FOXP1: variants seen among roughly 807,000 people sequenced by gnomAD.
FOXP1 encodes forkhead box P1, also known as forkhead box protein P1.
Under a neutral mutation model 98.2 loss-of-function variants are expected in FOXP1, and 15 were observed. That is an observed-to-expected ratio of 0.15 (90% CI 0.10 to 0.24). FOXP1 has a LOEUF of 0.24. Among genes scored for constraint, FOXP1 ranks in the 10% least tolerant of loss-of-function variants. The pLI, the probability that FOXP1 is intolerant of heterozygous loss-of-function variation, is 1.00. For synonymous variants in FOXP1, 371 were observed against 314.5 expected, an observed-to-expected ratio of 1.18 and a Z score of -1.90; for missense variants, 633 against 848.5, an observed-to-expected ratio of 0.75 and a Z score of 3.15.
chr3:71,179,029 T>C (rs1197273364), intron 6 of FOXP1, among the ~76,000 whole-genome samples: 1 of 132,448 alleles, frequency 7.6e-6, no homozygotes, highest in East Asian at 2.2e-4. Flanking sequence ...AAAAAAAAAA[T>C]TGACAAGATG....
intron 13 of FOXP1, among the ~76,000 whole-genome samples, chr3:71,000,347 T>G (rs2041956751): frequency 6.6e-6 from 1 of 151,974 alleles, no homozygotes; most frequent in Non-Finnish European, 1.5e-5. Context: ...TATCTGATTA[T>G]GTGCATGTGT....
chr3:71,429,253 G>C (rs2084457318), intron 3 of FOXP1, among the ~76,000 whole-genome samples: 1 of 152,194 alleles, frequency 6.6e-6, no homozygotes, highest in Non-Finnish European at 1.5e-5. Context: ...AACTATGGGA[G>C]GGTCTGGGTT....
chr3:71,098,840 G>C (rs2056707769), intron 7 of FOXP1, among the ~76,000 whole-genome samples: 1 of 152,174 alleles, frequency 6.6e-6, no homozygotes. Context: ...ATTTTTAGAA[G>C]ACCATGACCC....
intron 7 of FOXP1, among the ~76,000 whole-genome samples, chr3:71,101,646 G>A (rs2056968269): frequency 6.7e-6 from 1 of 149,378 alleles, no homozygotes; most frequent in Non-Finnish European, 1.5e-5. Flanking sequence ...AGACTTGGGA[G>A]GAGTTTAGGA....
At chr3:71,054,625 A>G (rs916274773) in intron 7 of FOXP1, among the ~76,000 whole-genome samples, 8 of 152,212 alleles carry the variant, frequency 5.3e-5, no homozygotes, top group Non-Finnish European at 1.0e-4. Flanking sequence ...GCTTTCTAGA[A>G]TGTAATTTAG....
intron 11 of FOXP1, among the ~76,000 whole-genome samples, chr3:71,038,626 T>C (rs2047928683): frequency 1.3e-5 from 2 of 152,118 alleles, no homozygotes; most frequent in South Asian, 4.1e-4. Context: ...ATTTGAAGTA[T>C]TTATATGTAT....
At chr3:71,571,455 T>C (rs2047335736) in intron 2 of FOXP1, 1 of 152,228 alleles carries the variant, frequency 6.6e-6, no homozygotes, top group African/African-American at 2.4e-5. Flanking sequence ...ACTCATTTTG[T>C]TTAACATCTC....
intron 5 of FOXP1, among the ~76,000 whole-genome samples, chr3:71,224,456 TGGGTGTGGAG>T (rs933903918): frequency 3.3e-5 from 5 of 152,178 alleles, no homozygotes; most frequent in African/African-American, 1.2e-4. Context: ...GACTCTCTGC[TGGGTGTGGAG>T]GGATGTGGAT....
intron 6 of FOXP1, among the ~76,000 whole-genome samples, chr3:71,138,751 T>C (rs2059932502): frequency 6.6e-6 from 1 of 152,206 alleles, no homozygotes; most frequent in South Asian, 2.1e-4. Context: ...TTAGCTGCTA[T>C]GTGATAGGAG....
chr3:70,978,930 C>A (rs1559624625), intron 14 of FOXP1, among the ~76,000 whole-genome samples: 1 of 151,944 alleles, frequency 6.6e-6, no homozygotes, highest in Non-Finnish European at 1.5e-5. Flanking sequence ...GGGAAATAAT[C>A]TGCTTCAAGT....
rs2063112868 is a variant in FOXP1, at chr3:71,193,358, C to A, written c.180+4844G>T. On this transcript the variant is annotated intron_variant, in intron 6 of 20. Transcript: ENST00000649528. The stretch of plus-strand genomic sequence containing the variant: ...AGAGGCGGGGTTTCACCATGTTAGC[C>A]AGGATGGTCTCAATCTCCTGACCTC... Among the ~76,000 whole-genome samples, 2 of 128,366 alleles carry A rather than the reference C, an allele frequency of 1.6e-5. 1 individual carries two copies. Among genetic ancestry groups the A allele is most frequent in the African/African-American group, 7.1e-5 (2 of 28,252 alleles). The allele number at this position is 128,366 out of a possible 152,430, so 84.2% of individuals were successfully genotyped here.
chr3:71,413,504 TC>T (rs1284961663), intron 3 of FOXP1, among the ~76,000 whole-genome samples: 1 of 151,728 alleles, frequency 6.6e-6, no homozygotes, highest in Admixed American at 6.6e-5. Flanking sequence ...TCACTAAACC[TC>T]CCCCCACCCT....
rs1292960386 is a variant in FOXP1, at chr3:71,433,563, G to C, written c.-168+59863C>G. Among the ~76,000 whole-genome samples the C allele has an allele frequency of 2.0e-5, 3 of 152,158 alleles. No individual in the cohort carries two copies. In the East Asian group the frequency reaches 5.8e-4, roughly 29 times the overall value. On this transcript the variant is annotated intron_variant, in intron 3 of 20. Transcript: ENST00000649528. ...TGAATAATCTCAGATTGTGCAAGGG[G>C]GAAGGGTCTGTAAACTAAAATAAAA...
At chr3:71,155,112 C>G (rs1522178) in intron 6 of FOXP1, among the ~76,000 whole-genome samples, 78,794 of 151,844 alleles carry the variant, frequency 0.52, 21,140 homozygotes, top group East Asian at 0.86. Flanking sequence ...CACAAACAAA[C>G]AATTGAGATT....
At chr3:71,179,005 C>CT (rs1195803632) in intron 6 of FOXP1, among the ~76,000 whole-genome samples, 2 of 121,290 alleles carry the variant, frequency 1.6e-5, no homozygotes, top group Non-Finnish European at 3.3e-5. Flanking sequence ...GGGAGGCACT[C>CT]TGTCTAAAAA....
chr3:71,212,692 T>C (rs1317697301), intron 5 of FOXP1, among the ~76,000 whole-genome samples: 1 of 152,352 alleles, frequency 6.6e-6, no homozygotes, highest in South Asian at 2.1e-4. Context: ...AAATGCTTTA[T>C]TGGTCAAAAA....
intron 7 of FOXP1, among the ~76,000 whole-genome samples, chr3:71,081,163 T>C (rs567161036): frequency 6.6e-6 from 1 of 152,344 alleles, no homozygotes; most frequent in African/African-American, 2.4e-5. Context: ...GAAGCAGAAC[T>C]TGACTTTCCT....
At chr3:71,088,204 T>C (rs745491981) in intron 7 of FOXP1, among the ~76,000 whole-genome samples, 8 of 152,192 alleles carry the variant, frequency 5.3e-5, no homozygotes, top group Non-Finnish European at 1.2e-4. Context: ...CCTGAAACTT[T>C]CTTCCCTAGA....
chr3:71,041,587 C>T, intron 10 of FOXP1, 55 bp from the exon 11 acceptor site: 1 of 1,517,224 alleles, frequency 6.6e-7, no homozygotes, highest in Non-Finnish European at 9.1e-7. Flanking sequence ...CCGTCCTCTT[C>T]AAACAGCAAT....
Sources: allele counts gnomAD v4.1 joint callset (sites outside exome capture counted in the v4.1 genomes callset), GRCh38; gene constraint gnomAD v4.1.1; transcripts MANE v1.5; gene names NCBI Gene and HGNC (gene_info 2026-07-23, HGNC 2026-07-21).